The following SOX6 variants were observed in gnomAD, a reference collection of about 807,000 sequenced individuals.
SOX6 encodes the protein SRY-box transcription factor 6, also known as transcription factor SOX-6.
Under a neutral mutation model 97.8 loss-of-function variants are expected in SOX6, and 11 were observed. The observed-to-expected ratio is 0.11, with a 90% CI of 0.07 to 0.19. The LOEUF (loss-of-function observed/expected upper bound fraction) is 0.19, where lower values mean the gene tolerates loss of function less well. Ranked by LOEUF, SOX6 falls within the 10% of genes least tolerant of loss-of-function variation. The pLI is 1.00. For missense variants in SOX6, 810 were observed against 1,039.5 expected (o/e 0.78, Z 3.04); for synonymous variants, 360 against 371.4 (o/e 0.97, Z 0.35).
intron 3 of SOX6, among the ~76,000 whole-genome samples, chr11:16,712,121 A>ACACC (rs1491389321): frequency 7.0e-6 from 1 of 142,412 alleles, no homozygotes; most frequent in African/African-American, 2.6e-5. Context: ...ACACACACAC[A>ACACC]CCACAGTTTC....
At chr11:16,096,947 G>A (rs908387256) in intron 8 of SOX6, among the ~76,000 whole-genome samples, 2 of 151,790 alleles carry the variant, frequency 1.3e-5, no homozygotes, top group Admixed American at 1.3e-4. Context: ...GGTAGTAGTA[G>A]AAGGGTATAA....
intron 12 of SOX6, among the ~76,000 whole-genome samples, chr11:16,036,619 G>A (rs1312237307): frequency 1.3e-5 from 2 of 152,116 alleles, no homozygotes; most frequent in African/African-American, 4.8e-5. Flanking sequence ...ATTAGATCCC[G>A]AATTCCCAAG....
At chr11:16,316,324 A>G (rs545173626) in intron 3 of SOX6, 1 of 151,780 alleles carries the variant, frequency 6.6e-6, no homozygotes, top group Admixed American at 6.6e-5. Flanking sequence ...TTTGTGAGAT[A>G]GGTAAATTTG....
intron 5 of SOX6, 110 bp downstream of exon 5, chr11:16,186,673 A>C: frequency 7.9e-7 from 1 of 1,272,732 alleles, no homozygotes; most frequent in Admixed American, 2.2e-5. Context: ...TCTTATTTTT[A>C]TTTTTATTTT....
intron 9 of SOX6, among the ~76,000 whole-genome samples, chr11:16,069,469 A>G (rs1460364204): frequency 1.3e-5 from 2 of 152,148 alleles, no homozygotes; most frequent in Middle Eastern, 3.2e-3. Flanking sequence ...TTTTTCTACC[A>G]TTATCCTTAA....
intron 4 of SOX6, among the ~76,000 whole-genome samples, chr11:16,569,185 C>T (rs1447842375): frequency 6.6e-6 from 1 of 152,032 alleles, no homozygotes; most frequent in African/African-American, 2.4e-5. Context: ...TTGCAAAATT[C>T]TTTTAAAAAT....
chr11:16,453,633 G>A (rs77046681), intron 1 of SOX6, among the ~76,000 whole-genome samples: 2,441 of 152,052 alleles, frequency 0.016, 61 homozygotes, highest in African/African-American at 0.055. Flanking sequence ...TTCCTATGTC[G>A]GGCACTAGTT....
chr11:16,131,171 C>G (rs2134019551), intron 6 of SOX6, among the ~76,000 whole-genome samples: 2 of 149,808 alleles, frequency 1.3e-5, no homozygotes, highest in Middle Eastern at 6.8e-3. Context: ...AGCTAAGCCA[C>G]AAAGTAAGAG....
chr11:16,589,013 G>A (rs1406429837), intron 4 of SOX6, among the ~76,000 whole-genome samples: 2 of 152,156 alleles, frequency 1.3e-5, no homozygotes, highest in Non-Finnish European at 2.9e-5. Context: ...GACAGAGTGA[G>A]ACCAATCCCC....
chr11:16,697,056 C>T (rs1357838166), intron 3 of SOX6, among the ~76,000 whole-genome samples: 1 of 152,152 alleles, frequency 6.6e-6, no homozygotes, highest in East Asian at 1.9e-4. Flanking sequence ...ACTTTCTTTG[C>T]TCATCCATAA....
At chr11:16,485,389 C>T (rs963548336) in intron 4 of SOX6, among the ~76,000 whole-genome samples, 4 of 152,148 alleles carry the variant, frequency 2.6e-5, no homozygotes, top group African/African-American at 7.2e-5. Flanking sequence ...AGTTCAAAAC[C>T]GGCCTGGACA....
At chr11:16,076,692 T>C (rs1281520903) in intron 9 of SOX6, among the ~76,000 whole-genome samples, 2 of 150,332 alleles carry the variant, frequency 1.3e-5, no homozygotes, top group Admixed American at 6.6e-5. Flanking sequence ...ACATCTTACA[T>C]GTCTGGAACA....
At chr11:16,251,274 C>A (rs1290903265) in intron 3 of SOX6, among the ~76,000 whole-genome samples, 1 of 151,922 alleles carries the variant, frequency 6.6e-6, no homozygotes, top group Non-Finnish European at 1.5e-5. Flanking sequence ...TACCAGAGAG[C>A]ATCAGTGAAA....
chr11:16,143,719 A>T (rs1850212507), intron 6 of SOX6, among the ~76,000 whole-genome samples: 1 of 152,216 alleles, frequency 6.6e-6, no homozygotes, highest in Admixed American at 6.5e-5. Flanking sequence ...CTGATAAAAC[A>T]GACTTTAAAC....
chr11:16,507,279 C>A (rs1327244120), intron 4 of SOX6, among the ~76,000 whole-genome samples: 1 of 151,942 alleles, frequency 6.6e-6, no homozygotes, highest in African/African-American at 2.4e-5. Flanking sequence ...GTAGATTTCC[C>A]AATTTCAGGT....
intron 13 of SOX6, among the ~76,000 whole-genome samples, chr11:15,991,310 G>T (rs556414948): frequency 6.6e-6 from 1 of 152,098 alleles, no homozygotes; most frequent in South Asian, 2.1e-4. Flanking sequence ...TGTTTATTGC[G>T]CAGTGAAATG....
chr11:16,549,319 G>A (rs576600724), intron 4 of SOX6, among the ~76,000 whole-genome samples: 22 of 152,210 alleles, frequency 1.4e-4, no homozygotes, highest in African/African-American at 3.9e-4. Flanking sequence ...ACAGGCATGC[G>A]CCACCACGCC....
intron 1 of SOX6, among the ~76,000 whole-genome samples, chr11:16,447,853 T>C (rs952574727): frequency 6.6e-6 from 1 of 152,144 alleles, no homozygotes; most frequent in Non-Finnish European, 1.5e-5. Flanking sequence ...AAGAAGAAGG[T>C]GCATATAAGT....
chr11:16,287,294 T>TCA (rs1257485756), intron 3 of SOX6, among the ~76,000 whole-genome samples: 19 of 112,764 alleles, frequency 1.7e-4, no homozygotes, highest in African/African-American at 5.9e-4. Context: ...TCTCTCTCTC[T>TCA]CTCTCACACA....
Sources: allele counts gnomAD v4.1 joint callset (sites outside exome capture counted in the v4.1 genomes callset), GRCh38; gene constraint gnomAD v4.1.1; transcripts MANE v1.5; gene names NCBI Gene and HGNC (gene_info 2026-07-23, HGNC 2026-07-21).